DOCK5: variants seen among roughly 807,000 people sequenced by gnomAD.
DOCK5 encodes the protein dedicator of cytokinesis 5.
DOCK5 carries 142 observed loss-of-function variants against 251.8 expected under a neutral mutation model. That is an observed-to-expected ratio of 0.56 (90% confidence interval 0.49 to 0.65). The LOEUF is 0.65. Ranked by LOEUF, DOCK5 falls within the 30% of genes least tolerant of loss-of-function variation. The pLI is 0.00. For synonymous variants in DOCK5, 842 were observed against 835.5 expected (o/e 1.01, Z -0.13); for missense variants, 2,111 against 2,312.3 (o/e 0.91, Z 1.79).
chr8:25,385,075 C>T (rs1801140473), intron 40 of DOCK5, among the ~76,000 whole-genome samples: 1 of 152,146 alleles, frequency 6.6e-6, no homozygotes, highest in African/African-American at 2.4e-5. Context: ...AAGAGCAGGG[C>T]AGTGCCTTGA....
chr8:25,302,021 C>T (rs550861607), intron 9 of DOCK5, among the ~76,000 whole-genome samples: 2 of 152,234 alleles, frequency 1.3e-5, no homozygotes, highest in African/African-American at 4.8e-5. Flanking sequence ...TGATGAGGGC[C>T]CTGATTTTTC....
chr8:25,217,380 C>T (rs1377256595), intron 1 of DOCK5, among the ~76,000 whole-genome samples: 2 of 151,922 alleles, frequency 1.3e-5, no homozygotes, highest in Non-Finnish European at 2.9e-5. Context: ...TAGTAATGAA[C>T]AACTTAAAAA....
chr8:25,373,658 G>C lies in DOCK5; in HGVS notation c.3725G>C (p.Arg1242Thr), dbSNP rs769337421. Reference sequence around the variant, plus strand: ...AAGAAGAGAGAGGACATATACATAAGGTAAGCTGAAGGAAATTTCTTGCTT... The same window carrying C: ...AAGAAGAGAGAGGACATATACATAACGTAAGCTGAAGGAAATTTCTTGCTT... ...KEKKREDIYI[R>T]YLYKLRDLHR... The change falls in exon 36 of 52, where the codon AGA (arginine) becomes ACA (threonine). Residue 1242 changes from arginine (R) to threonine (T), a missense_variant and splice_region_variant. Arg to Thr is a moderately conservative substitution (Grantham distance 71). Transcript: ENST00000276440. 1.3e-6 allele frequency: 2 copies of C among 1,590,800 alleles called. No homozygotes were observed. The highest frequency in any genetic ancestry group is 1.7e-6 in the Non-Finnish European group (2 of 1,169,150).
chr8:25,411,377 C>G lies in DOCK5; in HGVS notation c.*79C>G. ...CTGGCCTCCAGCCGGTGTCCTCATT[C>G]CATGGGGCTCCCTGCTGACTGCATT... is the stretch of plus-strand genomic sequence containing the variant. On this transcript the variant is annotated 3_prime_UTR_variant, in exon 52 of 52. Coordinates refer to ENST00000276440, the MANE Select transcript of DOCK5 (RefSeq NM_024940.8). 7.4e-7 allele frequency: 1 copy of G among 1,349,646 alleles called. No homozygotes were observed. The allele number at this position is 1,349,646 out of a possible 1,614,324, so 83.6% of individuals were successfully genotyped here.
chr8:25,369,723 A>G (rs1223811591), intron 34 of DOCK5, 82 bp downstream of exon 34: 3 of 1,210,184 alleles, frequency 2.5e-6, no homozygotes, highest in African/African-American at 3.0e-5. Context: ...TCACCAATAG[A>G]GCAATTGAGT....
rs1800678339 is a variant in DOCK5 at position 25,361,473 on chromosome 8, G to A, written c.2950-1574G>A. ...AAAAATACAAAAAATAATTACCCAG[G>A]GGTGATGGCAGACACCCGTAATCCC... On this transcript the variant is annotated intron_variant, in intron 28 of 51. Coordinates refer to ENST00000276440, the MANE Select transcript of DOCK5 (RefSeq NM_024940.8). Among the ~76,000 whole-genome samples, 3 of 152,136 alleles carry A rather than the reference G, an allele frequency of 2.0e-5. No individual in the cohort carries two copies. The South Asian group carries it at 6.2e-4, about 32-fold the overall frequency.
At chr8:25,230,710 G>A (rs1802647135) in intron 1 of DOCK5, among the ~76,000 whole-genome samples, 1 of 152,012 alleles carries the variant, frequency 6.6e-6, no homozygotes, top group African/African-American at 2.4e-5. Flanking sequence ...AATTTGCCAG[G>A]TGTGGTGGTG....
At chr8:25,379,242 T>C (rs757791673) in intron 38 of DOCK5, among the ~76,000 whole-genome samples, 1 of 152,236 alleles carries the variant, frequency 6.6e-6, no homozygotes, top group Admixed American at 6.5e-5. Flanking sequence ...CTGAGGGTAC[T>C]GCAGGAGACT....
intron 45 of DOCK5, 89 bp downstream of exon 45, chr8:25,395,808 T>A: frequency 7.4e-7 from 1 of 1,348,126 alleles, no homozygotes; most frequent in Non-Finnish European, 1.0e-6. Context: ...ACAAATTCAT[T>A]TCCTACAGCT....
chr8:25,329,173 G>A (rs1004261746), intron 18 of DOCK5, among the ~76,000 whole-genome samples: 3 of 152,234 alleles, frequency 2.0e-5, no homozygotes, highest in Non-Finnish European at 2.9e-5. Context: ...CCCTAAATGT[G>A]GGGATTGTTA....
rs373173975 is a variant in DOCK5 at position 25,268,106 on chromosome 8, C to T, written c.128-739C>T. Among the ~76,000 whole-genome samples the T allele has an allele frequency of 3.3e-5, 5 of 152,218 alleles. No individual in the cohort carries two copies. The South Asian group carries it at 1.0e-3, about 32-fold the overall frequency. On this transcript the variant is annotated intron_variant, in intron 2 of 51. Coordinates refer to ENST00000276440, the MANE Select transcript of DOCK5 (RefSeq NM_024940.8). ...TTAAACTTCTGACGTCATGATCCAC[C>T]TGCCTCAGCCTCCCAAAGTGCTGGG...
chr8:25,184,904 C>T lies in DOCK5; in HGVS notation c.-5C>T, dbSNP rs141355138. 1.6e-3 allele frequency: 2,272 copies of T among 1,415,576 alleles called. 31 individuals carry two copies. In the African/African-American group the frequency reaches 0.03, roughly 19 times the overall value. The allele number at this position is 1,415,576 out of a possible 1,614,324, so 87.7% of individuals were successfully genotyped here. ...TCGCCGCCGCCGCGGGGCGAGGTCG[C>T]CGCCATGGCCCGCTGGATCCCGACC... is the stretch of plus-strand genomic sequence containing the variant. On this transcript the variant is annotated 5_prime_UTR_variant, in exon 1 of 52. Transcript: ENST00000276440.
chr8:25,239,386 G>A (rs375519105), intron 1 of DOCK5, among the ~76,000 whole-genome samples: 41 of 149,482 alleles, frequency 2.7e-4, no homozygotes, highest in African/African-American at 9.7e-4. Flanking sequence ...GCAGTCCTTG[G>A]TAGGTGTTTG....
At chr8:25,369,893 G>C (rs1294362503) in intron 34 of DOCK5, among the ~76,000 whole-genome samples, 1 of 152,116 alleles carries the variant, frequency 6.6e-6, no homozygotes, top group Non-Finnish European at 1.5e-5. Context: ...GCAAGGAGGA[G>C]GTGCAGAGTG....
intron 18 of DOCK5, among the ~76,000 whole-genome samples, chr8:25,330,149 C>T (rs765919635): frequency 1.3e-5 from 2 of 152,114 alleles, no homozygotes; most frequent in African/African-American, 2.4e-5. Flanking sequence ...GTGATACCTT[C>T]GACTAGCCTG....
intron 1 of DOCK5, among the ~76,000 whole-genome samples, chr8:25,219,704 G>C (rs868624424): frequency 6.9e-6 from 1 of 144,672 alleles, no homozygotes; most frequent in Non-Finnish European, 1.5e-5. Context: ...TCTGGGGTCC[G>C]TGTTTTTTTT....
chr8:25,367,505 C>T (rs902491007), intron 31 of DOCK5, among the ~76,000 whole-genome samples: 10 of 152,090 alleles, frequency 6.6e-5, no homozygotes, highest in African/African-American at 9.7e-5. Flanking sequence ...AAGACCATGT[C>T]GTTAAAAAAT....
chr8:25,305,975 T>C (rs1340607548), intron 11 of DOCK5, among the ~76,000 whole-genome samples: 1 of 152,136 alleles, frequency 6.6e-6, no homozygotes, highest in Non-Finnish European at 1.5e-5. Flanking sequence ...TATAACAATT[T>C]TAATCTTTCA....
chr8:25,198,585 T>A (rs548048293), intron 1 of DOCK5, among the ~76,000 whole-genome samples: 1 of 147,472 alleles, frequency 6.8e-6, no homozygotes, highest in Non-Finnish European at 1.5e-5. Context: ...AAAAAAAAAA[T>A]ACTAAGTCAT....
Sources: allele counts gnomAD v4.1 joint callset (sites outside exome capture counted in the v4.1 genomes callset), GRCh38; gene constraint gnomAD v4.1.1; transcripts MANE v1.5; gene names NCBI Gene and HGNC (gene_info 2026-07-23, HGNC 2026-07-21).